Variants in PSG2 observed in about 807,000 individuals in gnomAD.
PSG2 encodes pregnancy-specific beta-1-glycoprotein 2.
In PSG2, 49 loss-of-function variants were observed where a neutral mutation model predicts 36.2. That is an observed-to-expected ratio of 1.35 (90% CI 1.08 to 1.72). The LOEUF (loss-of-function observed/expected upper bound fraction) is 1.72. Among genes scored for constraint, PSG2 ranks in the 40% most tolerant of loss-of-function variants. The pLI is 0.00. For synonymous variants in PSG2, 261 were observed against 155.6 expected, an observed-to-expected ratio of 1.68 and a Z score of -5.04; for missense variants, 605 against 407.2, an observed-to-expected ratio of 1.49 and a Z score of -4.18.
chr19:43,080,853 C>A (rs766661759), intron 2 of PSG2, 28 bp downstream of exon 2: 2 of 1,611,818 alleles, frequency 1.2e-6, no homozygotes, highest in South Asian at 1.1e-5. Flanking sequence ...TGTCCCCCAA[C>A]ACCCAGGGAT....
chr19:43,073,790 T>C (rs1568513638), intron 3 of PSG2, among the ~76,000 whole-genome samples: 1 of 151,640 alleles, frequency 6.6e-6, no homozygotes, highest in East Asian at 1.9e-4. Context: ...ATTGAGTATT[T>C]CTTATGCATA....
At chr19:43,066,453 T>C (rs2122892668) in intron 5 of PSG2, 64 bp downstream of exon 5, 1 of 1,225,976 alleles carries the variant, frequency 8.2e-7, no homozygotes, top group Non-Finnish European at 1.2e-6. Context: ...AATAAGTCTT[T>C]TCCCTCTCCC....
intron 3 of PSG2, among the ~76,000 whole-genome samples, chr19:43,073,432 T>C (rs941648328): frequency 1.3e-5 from 2 of 151,662 alleles, no homozygotes; most frequent in Non-Finnish European, 2.9e-5. Flanking sequence ...CAGAAATACA[T>C]GCGGACATTT....
chr19:43,069,040 A>G (rs1200085115), intron 4 of PSG2, among the ~76,000 whole-genome samples: 1 of 151,750 alleles, frequency 6.6e-6, no homozygotes, highest in Non-Finnish European at 1.5e-5. Flanking sequence ...CAGCATTCAA[A>G]CGTCAGTTGT....
intron 3 of PSG2, among the ~76,000 whole-genome samples, chr19:43,072,900 C>T (rs1967839928): frequency 6.6e-6 from 1 of 151,726 alleles, no homozygotes; most frequent in Non-Finnish European, 1.5e-5. Context: ...GTGGGAGTCA[C>T]AGCCCCAGTA....
At chr19:43,070,681 C>T (rs1258707086) in intron 4 of PSG2, among the ~76,000 whole-genome samples, 2 of 151,366 alleles carry the variant, frequency 1.3e-5, no homozygotes, top group African/African-American at 4.9e-5. Flanking sequence ...ATGGTGGGTG[C>T]TAAGGGTTCG....
intron 1 of PSG2, 115 bp downstream of exon 1, chr19:43,082,391 C>T: frequency 1.3e-6 from 2 of 1,491,152 alleles, no homozygotes; most frequent in Admixed American, 3.4e-5. Context: ...CCACCCACCT[C>T]AGCCTCCCTA....
At chr19:43,078,804 G>T (rs896716697) in intron 2 of PSG2, among the ~76,000 whole-genome samples, 14 of 151,566 alleles carry the variant, frequency 9.2e-5, no homozygotes, top group Non-Finnish European at 1.9e-4. Flanking sequence ...GTGTGTGTGT[G>T]CAGGAGGCCA....
intron 4 of PSG2, among the ~76,000 whole-genome samples, chr19:43,068,903 A>G (rs867436599): frequency 6.6e-6 from 1 of 151,654 alleles, no homozygotes; most frequent in Non-Finnish European, 1.5e-5. Flanking sequence ...AGACATTCAA[A>G]TTGGAAGGAA....
chr19:43,079,600 A>T (rs1967942918), intron 2 of PSG2, among the ~76,000 whole-genome samples: 1 of 151,634 alleles, frequency 6.6e-6, no homozygotes, highest in Non-Finnish European at 1.5e-5. Context: ...TGATCCTCTC[A>T]TGACAGTGAC....
In PSG2 at chr19:43,081,040, A is replaced by G. The variant is rs1414022782; in HGVS notation, c.271T>C (p.Tyr91His). The change falls in exon 2 of 6, where the codon TAT becomes CAT. Residue 91 changes from tyrosine (Y) to histidine (H), a missense_variant. Transcript: ENST00000406487. The part of the protein sequence containing the change: ...SYVVDGQIII[Y>H]GPAYSGRETA... ...TCTCGTCCACTATATGCAGGCCCAT[A>G]TATAATTATTTGACCGTCTACTACA... The G allele has an allele frequency of 1.2e-6, 2 of 1,612,786 alleles. No individual in the cohort carries two copies. The highest frequency in any genetic ancestry group is 1.3e-5 in the African/African-American group (1 of 74,248).
intron 1 of PSG2, 139 bp downstream of exon 1, chr19:43,082,367 C>T: frequency 1.5e-6 from 2 of 1,359,228 alleles, no homozygotes; most frequent in South Asian, 2.4e-5. Context: ...ACCTTGAACT[C>T]CTGATCTCGT....
At chr19:43,069,100 T>A (rs1461918145) in intron 4 of PSG2, among the ~76,000 whole-genome samples, 1 of 151,526 alleles carries the variant, frequency 6.6e-6, no homozygotes, top group East Asian at 1.9e-4. Context: ...AGGAAAAAAA[T>A]TTCAATTTAT....
Position 43,077,937 on chromosome 19 carries a change from G to A in PSG2, c.431-2305C>T, listed in dbSNP as rs371369774. Among the ~76,000 whole-genome samples the A allele has an allele frequency of 1.0e-3, 153 of 151,694 alleles. 2 individuals carry two copies. The highest frequency in any genetic ancestry group is 3.1e-3 in the East Asian group (16 of 5,178). The stretch of plus-strand genomic sequence containing the variant: ...TTCCAAGCTTGTTATATGCCTGACC[G>A]GAAGCCAGAAGTCTCTAGGAAGTGA... On this transcript the variant is annotated intron_variant, in intron 2 of 5. Coordinates refer to ENST00000406487, the MANE Select transcript of PSG2 (RefSeq NM_031246.4).
rs569428772 is a variant in PSG2, at chr19:43,066,405, A to G, written c.*40+112T>C. ...AATTAGTGCTGAGAAGCAGGAGTTTAGTGGAGGAAGGAGGAGATGCAGTCC... is the reference window on the plus strand; with the variant it reads ...AATTAGTGCTGAGAAGCAGGAGTTTGGTGGAGGAAGGAGGAGATGCAGTCC... On this transcript the variant is annotated intron_variant, in intron 5 of 5. Coordinates refer to ENST00000406487, the MANE Select transcript of PSG2 (RefSeq NM_031246.4). The G allele has an allele frequency of 1.8e-4, 145 of 794,718 alleles. 2 individuals are homozygous for G. Among genetic ancestry groups the G allele is most frequent in the Middle Eastern group, 2.3e-4 (1 of 4,264 alleles). The allele number at this position is 794,718 out of a possible 1,614,324, so 49.2% of individuals were successfully genotyped here.
chr19:43,079,264 C>T (rs997719514), intron 2 of PSG2, among the ~76,000 whole-genome samples: 1 of 151,364 alleles, frequency 6.6e-6, no homozygotes, highest in Non-Finnish European at 1.5e-5. Flanking sequence ...CAGCTGCCCC[C>T]AGTTCCACAG....
chr19:43,077,397 C>T (rs548363728), intron 2 of PSG2, among the ~76,000 whole-genome samples: 50 of 151,880 alleles, frequency 3.3e-4, no homozygotes, highest in Admixed American at 5.2e-4. Flanking sequence ...CTCCCTGCTT[C>T]TAATTTCTGT....
chr19:43,080,184 T>C (rs1429478174), intron 2 of PSG2, among the ~76,000 whole-genome samples: 4 of 151,792 alleles, frequency 2.6e-5, no homozygotes, highest in Admixed American at 1.3e-4. Flanking sequence ...CTGTTTCTGC[T>C]TCTGGGGACA....
At chr19:43,073,611 G>A (rs1487389175) in intron 3 of PSG2, among the ~76,000 whole-genome samples, 1 of 151,624 alleles carries the variant, frequency 6.6e-6, no homozygotes, top group East Asian at 1.9e-4. Flanking sequence ...GACTACTCTA[G>A]GGACCTCATG....
Sources: allele counts gnomAD v4.1 joint callset (sites outside exome capture counted in the v4.1 genomes callset), GRCh38; gene constraint gnomAD v4.1.1; transcripts MANE v1.5; gene names NCBI Gene and HGNC (gene_info 2026-07-23, HGNC 2026-07-21).